The following ZNF804A variants were observed in gnomAD, a reference collection of about 807,000 sequenced individuals.
The protein encoded by ZNF804A is zinc finger protein 804A.
In ZNF804A, 2 loss-of-function variants were observed where a neutral mutation model predicts 16.5. The observed-to-expected ratio is 0.12, with a 90% CI of 0.05 to 0.38. The LOEUF (loss-of-function observed/expected upper bound fraction) is 0.38, where lower values mean the gene tolerates loss of function less well. ZNF804A is among the 10% of genes least tolerant of loss of function. The pLI is 0.99. For missense variants in ZNF804A, 1,473 were observed against 1,390.7 expected, an observed-to-expected ratio of 1.06 and a Z score of -0.94; for synonymous variants, 534 against 489.6, an observed-to-expected ratio of 1.09 and a Z score of -1.20.
chr2:184,652,592 A>G (rs1692003648), intron 1 of ZNF804A, among the ~76,000 whole-genome samples: 1 of 152,156 alleles, frequency 6.6e-6, no homozygotes, highest in Admixed American at 6.5e-5. Context: ...ATAAAAACCT[A>G]AGAAAGAGAG....
intron 2 of ZNF804A, among the ~76,000 whole-genome samples, chr2:184,882,855 C>T (rs750357157): frequency 2.2e-4 from 33 of 152,024 alleles, no homozygotes; most frequent in Non-Finnish European, 4.6e-4. Flanking sequence ...AATTAGCAAC[C>T]TAATGTCACA....
At chr2:184,764,965 A>T (rs552846867) in intron 1 of ZNF804A, among the ~76,000 whole-genome samples, 1 of 152,178 alleles carries the variant, frequency 6.6e-6, no homozygotes, top group East Asian at 1.9e-4. Context: ...ACAAAAAAAA[A>T]CTATTTTTTT....
chr2:184,695,705 A>G (rs1692820729), intron 1 of ZNF804A, among the ~76,000 whole-genome samples: 1 of 152,034 alleles, frequency 6.6e-6, no homozygotes, highest in African/African-American at 2.4e-5. Context: ...AGCATGAGCT[A>G]CTGTGCCAGG....
At chr2:184,646,908 A>G (rs1691885796) in intron 1 of ZNF804A, among the ~76,000 whole-genome samples, 1 of 152,208 alleles carries the variant, frequency 6.6e-6, no homozygotes, top group Non-Finnish European at 1.5e-5. Flanking sequence ...GGCCCCTGCC[A>G]CCTGGGGAGT....
At chr2:184,895,890 T>C (rs992565419) in intron 2 of ZNF804A, among the ~76,000 whole-genome samples, 12 of 152,206 alleles carry the variant, frequency 7.9e-5, no homozygotes, top group African/African-American at 2.9e-4. Flanking sequence ...TATGTGGGCA[T>C]TGACTTTCAT....
At chr2:184,602,410 G>A (rs997260079) in intron 1 of ZNF804A, among the ~76,000 whole-genome samples, 12 of 151,828 alleles carry the variant, frequency 7.9e-5, no homozygotes, top group African/African-American at 2.9e-4. Flanking sequence ...AAGTTATAGG[G>A]CTTAACAGAA....
intron 1 of ZNF804A, among the ~76,000 whole-genome samples, chr2:184,679,426 G>A (rs1314480931): frequency 6.6e-6 from 1 of 152,158 alleles, no homozygotes; most frequent in Non-Finnish European, 1.5e-5. Context: ...GGGACAGGTG[G>A]AGCCCCACCC....
chr2:184,811,640 G>A lies in ZNF804A; in HGVS notation c.112-54729G>A, dbSNP rs568707316. ...AGGCAAGAAAATCCCTTAAGGCCAA[G>A]AGTTTGAGACTGCAATGTGCAATTA... On this transcript the variant is annotated intron_variant, in intron 1 of 3. Transcript: ENST00000302277. Among the ~76,000 whole-genome samples, 3 of 152,210 alleles carry A rather than the reference G, an allele frequency of 2.0e-5. No individual in the cohort carries two copies. The East Asian group carries it at 5.8e-4, about 29-fold the overall frequency.
intron 1 of ZNF804A, among the ~76,000 whole-genome samples, chr2:184,693,856 A>T (rs1210172039): frequency 1.3e-5 from 2 of 152,046 alleles, no homozygotes; most frequent in Non-Finnish European, 2.9e-5. Flanking sequence ...AATAAAATTT[A>T]AAAAACCTAA....
chr2:184,926,284 A>AT (rs35842377), intron 2 of ZNF804A, among the ~76,000 whole-genome samples: 6,345 of 150,108 alleles, frequency 0.042, 429 homozygotes, highest in African/African-American at 0.14. Flanking sequence ...TCTAGGGTAA[A>AT]TTTTTTTTTT....
intron 1 of ZNF804A, among the ~76,000 whole-genome samples, chr2:184,812,593 G>T (rs1336275893): frequency 6.6e-6 from 1 of 152,014 alleles, no homozygotes. Flanking sequence ...GTCCTCAAAT[G>T]AAAGGAAAAA....
At chr2:184,879,965 T>G (rs570462380) in intron 2 of ZNF804A, among the ~76,000 whole-genome samples, 2 of 152,180 alleles carry the variant, frequency 1.3e-5, no homozygotes, top group East Asian at 3.9e-4. Flanking sequence ...ATTTTTCACA[T>G]TTTTTTCTAA....
At chr2:184,900,204 C>A (rs1309364010) in intron 2 of ZNF804A, among the ~76,000 whole-genome samples, 2 of 152,110 alleles carry the variant, frequency 1.3e-5, no homozygotes, top group African/African-American at 4.8e-5. Context: ...GCTAGCTTTG[C>A]TCATGTCTGT....
intron 1 of ZNF804A, among the ~76,000 whole-genome samples, chr2:184,764,695 T>A (rs1444238166): frequency 1.3e-5 from 2 of 152,204 alleles, no homozygotes; most frequent in Non-Finnish European, 2.9e-5. Flanking sequence ...AATAGACTCT[T>A]TAAGAAATAA....
Position 184,937,265 on chromosome 2 carries a change from G to T in ZNF804A, c.1869G>T (p.Glu623Asp). The change falls in exon 4 of 4, where the codon GAG (glutamate) becomes GAT (aspartate). Residue 623 changes from glutamate (E) to aspartate (D), a missense_variant. Glu to Asp is a conservative substitution (Grantham distance 45). Coordinates refer to ENST00000302277, the MANE Select transcript of ZNF804A (RefSeq NM_194250.2). ...ESETRCKMEA[E>D]NSYTENAGKY... ...AAACTCGCTGCAAAATGGAAGCAGAGAATAGTTACACTGAAAATGCTGGGA... is the reference window on the plus strand; with the variant it reads ...AAACTCGCTGCAAAATGGAAGCAGATAATAGTTACACTGAAAATGCTGGGA... 1.2e-6 allele frequency: 2 copies of T among 1,613,698 alleles called. No homozygotes were observed. The highest frequency in any genetic ancestry group is 1.7e-6 in the Non-Finnish European group (2 of 1,179,880).
At chr2:184,759,930 C>A (rs1478427461) in intron 1 of ZNF804A, among the ~76,000 whole-genome samples, 5 of 152,122 alleles carry the variant, frequency 3.3e-5, no homozygotes, top group African/African-American at 9.7e-5. Flanking sequence ...TCTTTTCGGA[C>A]TCAGCCCACC....
intron 2 of ZNF804A, among the ~76,000 whole-genome samples, chr2:184,901,330 G>C (rs1286901149): frequency 6.6e-5 from 10 of 152,126 alleles, no homozygotes; most frequent in African/African-American, 2.4e-4. Flanking sequence ...TCTGAAACTT[G>C]TTTAGAAGAG....
chr2:184,860,314 G>A (rs372456190), intron 1 of ZNF804A, among the ~76,000 whole-genome samples: 1 of 152,354 alleles, frequency 6.6e-6, no homozygotes, highest in East Asian at 1.9e-4. Context: ...TTAAACAAAA[G>A]AAGTCTTGGG....
Position 184,937,544 on chromosome 2 carries a change from A to G in ZNF804A, c.2148A>G (p.Leu716=). The change falls in exon 4 of 4, where the codon TTA becomes TTG. Residue 716 remains leucine, a synonymous_variant. Transcript: ENST00000302277. ...ATMIHSGKHN[L]TYSRTYCCWK... is the part of the protein sequence containing the mutation. ...TGATACATTCTGGGAAACATAATTT[A>G]ACATATTCTAGAACTTACTGTTGTT... The G allele has an allele frequency of 1.2e-6, 2 of 1,612,578 alleles. No individual in the cohort carries two copies. The highest frequency in any genetic ancestry group is 1.7e-6 in the Non-Finnish European group (2 of 1,179,566).
Sources: allele counts gnomAD v4.1 joint callset (sites outside exome capture counted in the v4.1 genomes callset), GRCh38; gene constraint gnomAD v4.1.1; transcripts MANE v1.5; gene names NCBI Gene and HGNC (gene_info 2026-07-23, HGNC 2026-07-21).